TNIP1: variants seen among roughly 807,000 people sequenced by gnomAD.
TNIP1 encodes TNFAIP3 interacting protein 1, also known as TNFAIP3-interacting protein 1.
Under a neutral mutation model 86.6 loss-of-function variants are expected in TNIP1, and 22 were observed. The ratio of observed to expected loss-of-function variants is 0.25; its 90% CI spans 0.18 to 0.36. The LOEUF is 0.36. Ranked by LOEUF, TNIP1 falls within the 10% of genes least tolerant of loss-of-function variation. The probability of loss-of-function intolerance (pLI) is 1.00; values close to 1 mark genes in which losing one functional copy is unlikely to be tolerated. For missense variants in TNIP1, 709 were observed against 820.6 expected (o/e 0.86, Z 1.66); for synonymous variants, 294 against 313.0 (o/e 0.94, Z 0.64).
At chr5:151,042,395 G>T in intron 11 of TNIP1, 145 bp downstream of exon 11, 1 of 995,920 alleles carries the variant, frequency 1.0e-6, no homozygotes, top group Non-Finnish European at 1.5e-6. Context: ...TGCAGGGAAG[G>T]AACGTGCCTG....
intron 4 of TNIP1, among the ~76,000 whole-genome samples, chr5:151,061,480 A>ATTTT: frequency 6.8e-6 from 1 of 146,400 alleles, no homozygotes; most frequent in African/African-American, 2.5e-5. Context: ...AAATCTGTAG[A>ATTTT]TTTTTTTTTT....
At chr5:151,048,008 G>T (rs1759402317) in intron 8 of TNIP1, among the ~76,000 whole-genome samples, 1 of 152,192 alleles carries the variant, frequency 6.6e-6, no homozygotes, top group African/African-American at 2.4e-5. Flanking sequence ...TGCAGAGCTT[G>T]CCCCCTACAG....
intron 1 of TNIP1, among the ~76,000 whole-genome samples, chr5:151,070,236 T>C (rs1762686913): frequency 6.6e-6 from 1 of 152,250 alleles, no homozygotes; most frequent in African/African-American, 2.4e-5. Context: ...CAATACTTCC[T>C]GATTATCTGA....
intron 1 of TNIP1, among the ~76,000 whole-genome samples, chr5:151,076,018 A>G (rs73272852): frequency 0.09 from 13,731 of 152,278 alleles, 1,381 homozygotes; most frequent in African/African-American, 0.25. Context: ...CTCTCAAGGA[A>G]CAGCCTCAGG....
At chr5:151,059,866 T>TGTGTGTGTGTGTGTGC (rs142393672) in intron 5 of TNIP1, among the ~76,000 whole-genome samples, 2 of 82,700 alleles carry the variant, frequency 2.4e-5, no homozygotes, top group African/African-American at 5.0e-5. Flanking sequence ...TGTGTGTGTG[T>TGTGTGTGTGTGTGTGC]GCGCGCGCGC....
chr5:151,031,974 T>G (rs571931465), intron 17 of TNIP1: 4 of 253,578 alleles, frequency 1.6e-5, no homozygotes, highest in Middle Eastern at 1.2e-3. Flanking sequence ...TTGTGTGGTG[T>G]TTGTTTATTC....
intron 1 of TNIP1, among the ~76,000 whole-genome samples, chr5:151,074,059 C>T (rs1301517196): frequency 1.3e-5 from 2 of 152,104 alleles, no homozygotes; most frequent in Non-Finnish European, 2.9e-5. Flanking sequence ...AAATCTAGTC[C>T]TGTTCTTATA....
rs56273912 is a variant in TNIP1 at position 151,067,856 on chromosome 5, G to A, written c.-36-2725C>T. 6.9e-3 allele frequency among the ~76,000 whole-genome samples: 1,045 copies of A among 152,308 alleles called. 4 individuals carry two copies. The highest frequency in any genetic ancestry group is 0.024 in the Middle Eastern group (7 of 294). On this transcript the variant is annotated intron_variant, in intron 1 of 17. Transcript: ENST00000521591. ...ACCCACTGACCAGACGCACTTGGAC[G>A]CCCAGACACTTCTAGAATCCAGGCT...
At chr5:151,056,018 T>C (rs1760613863) in intron 6 of TNIP1, among the ~76,000 whole-genome samples, 1 of 152,254 alleles carries the variant, frequency 6.6e-6, no homozygotes, top group South Asian at 2.1e-4. Flanking sequence ...GACTAGGTTC[T>C]GGACTGCACT....
In TNIP1 at chr5:151,062,232, C is replaced by A. The variant is rs1350275181; in HGVS notation, c.272-20G>T. 8.1e-6 allele frequency: 13 copies of A among 1,611,108 alleles called. No individual in the cohort carries two copies. Among genetic ancestry groups the A allele is most frequent in the Non-Finnish European group, 1.0e-5 (12 of 1,177,534 alleles). Reference sequence around the variant, plus strand: ...CCTTTCCTGGAGAATCAAGAAAGCACAGATGAACTGACTGGGAAGGGGAGA... The same window carrying A: ...CCTTTCCTGGAGAATCAAGAAAGCAAAGATGAACTGACTGGGAAGGGGAGA... On this transcript the variant is annotated intron_variant, in intron 3 of 17. Coordinates refer to ENST00000521591, the MANE Select transcript of TNIP1 (RefSeq NM_006058.5).
chr5:151,070,220 T>C (rs991462488), intron 1 of TNIP1, among the ~76,000 whole-genome samples: 4 of 152,276 alleles, frequency 2.6e-5, no homozygotes, highest in Non-Finnish European at 4.4e-5. Context: ...CACTTTCTAC[T>C]TTAGGCAATA....
chr5:151,047,970 C>A (rs1759396715), intron 8 of TNIP1, among the ~76,000 whole-genome samples: 1 of 152,198 alleles, frequency 6.6e-6, no homozygotes, highest in Non-Finnish European at 1.5e-5. Context: ...CCACACTGCA[C>A]CCCCAAGTGG....
At chr5:151,077,841 T>C (rs1483708133) in intron 1 of TNIP1, among the ~76,000 whole-genome samples, 1 of 152,232 alleles carries the variant, frequency 6.6e-6, no homozygotes. Flanking sequence ...AACATTTCTA[T>C]GTCTGGTATC....
At chr5:151,068,928 C>G (rs1323780795) in intron 1 of TNIP1, among the ~76,000 whole-genome samples, 1 of 152,250 alleles carries the variant, frequency 6.6e-6, no homozygotes, top group African/African-American at 2.4e-5. Context: ...GGTATAGAAG[C>G]AGCCAGCGCA....
intron 11 of TNIP1, among the ~76,000 whole-genome samples, chr5:151,041,553 G>A (rs1246329683): frequency 1.3e-5 from 2 of 152,146 alleles, no homozygotes; most frequent in African/African-American, 4.8e-5. Context: ...TTTTTGTAGA[G>A]ACAAGGTGTG....
At chr5:151,085,786 C>T (rs1764254285), upstream of TNIP1, among the ~76,000 whole-genome samples, 1 of 152,184 alleles carries the variant, frequency 6.6e-6, no homozygotes, top group African/African-American at 2.4e-5. Context: ...GAAGTGGGAA[C>T]AGGTCAGCCA....
In TNIP1 at chr5:151,030,255, G is replaced by T. The variant is rs180904763; in HGVS notation, c.*458C>A. 1.9e-5 allele frequency: 8 copies of T among 419,640 alleles called. No homozygotes were observed. Among genetic ancestry groups the T allele is most frequent in the African/African-American group, 1.4e-4 (7 of 49,268 alleles). The allele number at this position is 419,640 out of a possible 1,614,324, so 26.0% of individuals were successfully genotyped here. ...ACTTCCCACAGCTCCTCACAGAGGG[G>T]TAGGGGTGTGCGTGGGGCAGGTCCT... On this transcript the variant is annotated 3_prime_UTR_variant, in exon 18 of 18. Coordinates refer to ENST00000521591, the MANE Select transcript of TNIP1 (RefSeq NM_006058.5).
chr5:151,032,412 AT>A, intron 16 of TNIP1, 29 bp from the exon 17 acceptor site: 3 of 1,608,026 alleles, frequency 1.9e-6, no homozygotes, highest in Non-Finnish European at 2.6e-6. Context: ...TTAATAATCA[AT>A]AATCACACCC....
At chr5:151,038,080 T>C (rs1053872708) in intron 12 of TNIP1, among the ~76,000 whole-genome samples, 1 of 152,250 alleles carries the variant, frequency 6.6e-6, no homozygotes, top group Non-Finnish European at 1.5e-5. Flanking sequence ...GACAATTCTC[T>C]GCCTGGATTT....
Sources: allele counts gnomAD v4.1 joint callset (sites outside exome capture counted in the v4.1 genomes callset), GRCh38; gene constraint gnomAD v4.1.1; transcripts MANE v1.5; gene names NCBI Gene and HGNC (gene_info 2026-07-23, HGNC 2026-07-21).